The following PDE1C variants were observed in gnomAD, a reference collection of about 807,000 sequenced individuals.
PDE1C encodes dual specificity calcium/calmodulin-dependent 3',5'-cyclic nucleotide phosphodiesterase 1C.
A neutral mutation model predicts 93.1 loss-of-function variants in PDE1C; 62 were observed. The ratio of observed to expected loss-of-function variants is 0.67; its 90% CI spans 0.54 to 0.82. The LOEUF is 0.82. Ranked by LOEUF, PDE1C falls within the 40% of genes least tolerant of loss-of-function variation. The probability of loss-of-function intolerance (pLI) is 0.00; values close to 1 mark genes in which losing one functional copy is unlikely to be tolerated. For synonymous variants in PDE1C, 325 were observed against 310.1 expected (o/e 1.05, Z -0.50); for missense variants, 742 against 884.6 (o/e 0.84, Z 2.04).
intron 2 of PDE1C, among the ~76,000 whole-genome samples, chr7:31,968,608 A>G (rs1179786619): frequency 6.6e-6 from 1 of 151,962 alleles, no homozygotes. Flanking sequence ...GGAAAAAACT[A>G]CTTTAAAGTT....
chr7:32,384,049 C>T (rs1784581484), intron 1 of PDE1C, among the ~76,000 whole-genome samples: 1 of 152,232 alleles, frequency 6.6e-6, no homozygotes, highest in Admixed American at 6.5e-5. Flanking sequence ...AGCTTGTACA[C>T]ACACAGGACT....
At chr7:31,946,118 A>AT (rs1161622677) in intron 2 of PDE1C, among the ~76,000 whole-genome samples, 3 of 151,988 alleles carry the variant, frequency 2.0e-5, no homozygotes, top group Non-Finnish European at 4.4e-5. Context: ...AATCATAGTT[A>AT]TTTTTTTACT....
upstream of PDE1C, among the ~76,000 whole-genome samples, chr7:32,076,410 G>A (rs1412511733): frequency 2.0e-5 from 3 of 152,074 alleles, no homozygotes; most frequent in Non-Finnish European, 4.4e-5. Flanking sequence ...AGAGGCCGAC[G>A]TGGCCGGATC....
chr7:32,171,208 C>T (rs1404411914), intron 2 of PDE1C, among the ~76,000 whole-genome samples: 1 of 152,136 alleles, frequency 6.6e-6, no homozygotes, highest in Non-Finnish European at 1.5e-5. Flanking sequence ...CATACCTAAA[C>T]AGTAATAAAA....
chr7:32,400,440 G>C (rs902926708), intron 1 of PDE1C, among the ~76,000 whole-genome samples: 1 of 152,206 alleles, frequency 6.6e-6, no homozygotes, highest in Non-Finnish European at 1.5e-5. Flanking sequence ...GAAAATGGGA[G>C]TCTGTGGTCA....
the PDE1C span, among the ~76,000 whole-genome samples, chr7:31,698,980 G>A: frequency 3.9e-5 from 6 of 152,146 alleles, no homozygotes; most frequent in East Asian, 9.6e-4. Flanking sequence ...CCTACTATGT[G>A]CCAGGCACAG....
intron 2 of PDE1C, chr7:32,209,485 T>A: frequency 6.4e-7 from 1 of 1,570,608 alleles, no homozygotes; most frequent in Non-Finnish European, 8.6e-7. Flanking sequence ...CAAGATTTAC[T>A]CACGAGAGAA....
chr7:32,011,211 GAGA>G (rs1170925255), intron 2 of PDE1C, among the ~76,000 whole-genome samples: 12 of 135,340 alleles, frequency 8.9e-5, no homozygotes, highest in African/African-American at 3.4e-4. Flanking sequence ...TTTTTTTTTT[GAGA>G]AGAAGTCTCG....
At chr7:32,053,559 G>A (rs1215962932) in intron 1 of PDE1C, among the ~76,000 whole-genome samples, 1 of 152,186 alleles carries the variant, frequency 6.6e-6, no homozygotes, top group African/African-American at 2.4e-5. Context: ...AAGGCAAGGA[G>A]GCAGTTGGAA....
intron 3 of PDE1C, among the ~76,000 whole-genome samples, chr7:32,079,915 A>G (rs983186594): frequency 2.0e-5 from 3 of 152,166 alleles, no homozygotes; most frequent in Non-Finnish European, 2.9e-5. Flanking sequence ...AGTGATACAG[A>G]TACTTGCAGC....
chr7:32,115,256 G>A (rs1008827857), intron 3 of PDE1C, among the ~76,000 whole-genome samples: 1 of 152,064 alleles, frequency 6.6e-6, no homozygotes, highest in Non-Finnish European at 1.5e-5. Context: ...AGAAAATGTG[G>A]TACATATACA....
At chr7:31,849,250 T>C (rs1302279745) in intron 8 of PDE1C, among the ~76,000 whole-genome samples, 1 of 152,176 alleles carries the variant, frequency 6.6e-6, no homozygotes, top group Non-Finnish European at 1.5e-5. Flanking sequence ...GATCCTCGTC[T>C]CCAGGCAAGA....
At chr7:32,036,332 G>A (rs1791080779) in intron 2 of PDE1C, among the ~76,000 whole-genome samples, 2 of 152,186 alleles carry the variant, frequency 1.3e-5, no homozygotes, top group Non-Finnish European at 1.5e-5. Flanking sequence ...GAAAGAAAGT[G>A]CTTAGAGTGA....
chr7:32,267,584 A>ACT lies in PDE1C; in HGVS notation c.85+31066_85+31067insAG, dbSNP rs756476017. Among the ~76,000 whole-genome samples the ACT allele has an allele frequency of 4.5e-3, 510 of 113,110 alleles. 3 individuals are homozygous for ACT. The highest frequency in any genetic ancestry group is 0.012 in the South Asian group (37 of 3,020). The allele number at this position is 113,110 out of a possible 152,430, so 74.2% of individuals were successfully genotyped here. A position where few individuals can be genotyped will look rare whatever the true frequency, so the allele number is the denominator to read the frequency against. On this transcript the variant is annotated intron_variant, in intron 1 of 18. Transcript: ENST00000396193. Reference sequence around the variant, plus strand: ...CTTTCTCTCTCTCTCACACACACACACACTCTCTCTCTCTCTCTCTCTCTC... The same window carrying ACT: ...CTTTCTCTCTCTCTCACACACACACACTCACTCTCTCTCTCTCTCTCTCTCTC...
At chr7:31,695,489 A>T in the PDE1C span, 4 of 1,611,076 alleles carry the variant, frequency 2.5e-6, no homozygotes, top group South Asian at 1.1e-5. Context: ...AGACCAGTTC[A>T]TTAAGGACTG....
chr7:31,937,054 T>G (rs1182311697), intron 2 of PDE1C, among the ~76,000 whole-genome samples: 1 of 152,132 alleles, frequency 6.6e-6, no homozygotes, highest in African/African-American at 2.4e-5. Context: ...GACTGGCAAT[T>G]GTAGAAACAG....
At chr7:31,950,410 C>G (rs188310471) in intron 2 of PDE1C, among the ~76,000 whole-genome samples, 6 of 152,270 alleles carry the variant, frequency 3.9e-5, no homozygotes, top group African/African-American at 1.4e-4. Context: ...ATCTCGATTT[C>G]AATAAACTGA....
intron 6 of PDE1C, among the ~76,000 whole-genome samples, chr7:31,866,675 T>C (rs552233816): frequency 6.6e-6 from 1 of 152,208 alleles, no homozygotes; most frequent in South Asian, 2.1e-4. Flanking sequence ...GATAATCACA[T>C]TTCAAATAGA....
intron 2 of PDE1C, among the ~76,000 whole-genome samples, chr7:32,197,795 G>C (rs1804723377): frequency 6.6e-6 from 1 of 152,098 alleles, no homozygotes; most frequent in Non-Finnish European, 1.5e-5. Context: ...TAGGACTGTG[G>C]GTATGGATCT....
Sources: allele counts gnomAD v4.1 joint callset (sites outside exome capture counted in the v4.1 genomes callset), GRCh38; gene constraint gnomAD v4.1.1; transcripts MANE v1.5; gene names NCBI Gene and HGNC (gene_info 2026-07-23, HGNC 2026-07-21).